The following CHD6 variants were observed in gnomAD, a reference collection of about 807,000 sequenced individuals.
The protein encoded by CHD6 is ATP-dependent chromatin remodeler CHD6.
A neutral mutation model predicts 276.9 loss-of-function variants in CHD6; 50 were observed. That is an observed-to-expected ratio of 0.18 (90% CI 0.14 to 0.23). The LOEUF is 0.23. Among genes scored for constraint, CHD6 ranks in the 10% least tolerant of loss-of-function variants. The pLI is 1.00. For synonymous variants in CHD6, 1,173 were observed against 1,229.3 expected (o/e 0.95, Z 0.96); for missense variants, 2,564 against 3,365.8 (o/e 0.76, Z 5.89).
At chr20:41,464,780 A>C (rs532864616) in intron 17 of CHD6, among the ~76,000 whole-genome samples, 15 of 152,304 alleles carry the variant, frequency 9.8e-5, no homozygotes, top group Non-Finnish European at 1.6e-4. Flanking sequence ...CAAGTAAAAG[A>C]AAGCAAGGAT....
intron 2 of CHD6, among the ~76,000 whole-genome samples, chr20:41,549,893 G>A (rs1379971330): frequency 6.6e-6 from 1 of 152,144 alleles, no homozygotes; most frequent in Non-Finnish European, 1.5e-5. Flanking sequence ...CCACCTCCCA[G>A]GTTCAAGTGA....
At chr20:41,595,784 T>G (rs2045711126) in intron 1 of CHD6, among the ~76,000 whole-genome samples, 1 of 151,918 alleles carries the variant, frequency 6.6e-6, no homozygotes, top group Admixed American at 6.6e-5. Flanking sequence ...AACCCACCCT[T>G]GAACCCTCAG....
rs190692679 is a variant in CHD6, at chr20:41,433,263, C to T, written c.4068+4011G>A. ...AAGACAGAAATCAGATTTAAGAAGA[C>T]GAGTGAATTCCAAATAGGGTAAACT... On this transcript the variant is annotated intron_variant, in intron 27 of 36. Transcript: ENST00000373233. Among the ~76,000 whole-genome samples the T allele has an allele frequency of 1.1e-3, 175 of 152,204 alleles. 1 individual carries two copies. Among genetic ancestry groups the T allele is most frequent in the African/African-American group, 4.1e-3 (170 of 41,538 alleles).
chr20:41,537,760 G>A (rs1265890782), intron 2 of CHD6, among the ~76,000 whole-genome samples: 1 of 152,190 alleles, frequency 6.6e-6, no homozygotes, highest in African/African-American at 2.4e-5. Context: ...CAGAGGAATT[G>A]AAACTTTCAT....
At chr20:41,603,487 G>GT (rs2045794203) in intron 1 of CHD6, among the ~76,000 whole-genome samples, 1 of 152,220 alleles carries the variant, frequency 6.6e-6, no homozygotes, top group East Asian at 1.9e-4. Flanking sequence ...CTGGCCTAAG[G>GT]TAAATTCCTT....
At chr20:41,468,994 G>A (rs563060175) in intron 17 of CHD6, among the ~76,000 whole-genome samples, 1 of 152,244 alleles carries the variant, frequency 6.6e-6, no homozygotes, top group South Asian at 2.1e-4. Context: ...CCTGTCTTCT[G>A]AAAACATAAA....
At chr20:41,434,463 C>T (rs1008729411) in intron 27 of CHD6, among the ~76,000 whole-genome samples, 2 of 152,138 alleles carry the variant, frequency 1.3e-5, no homozygotes, top group Non-Finnish European at 2.9e-5. Context: ...CTCTGCCTCC[C>T]GGGTTCAAGT....
Position 41,417,281 on chromosome 20 carries a change from C to A in CHD6, c.6196G>T (p.Asp2066Tyr), listed in dbSNP as rs749531364. The A allele has an allele frequency of 6.2e-7, 1 of 1,614,144 alleles. No homozygotes were observed. Among genetic ancestry groups the A allele is most frequent in the South Asian group, 1.1e-5 (1 of 91,082 alleles). The change falls in exon 32 of 37, where the codon GAT (aspartate) becomes TAT (tyrosine). Residue 2066 changes from aspartate (D) to tyrosine (Y), a missense_variant. Around this residue, in one of 7 missense-constraint regions of CHD6, gnomAD observed 1,024 missense variants for 1,047.9 expected, o/e 0.98. Transcript: ENST00000373233. ...GGAGCTCGAGCCTCCTGTAGCTCAT[C>A]CCCAATGTCTCCTGTGATGCCCGAT... The part of the protein sequence containing the change: ...STSGITGDIG[D>Y]ELQEARAPTI...
At chr20:41,460,407 T>G (rs541449690) in intron 17 of CHD6, among the ~76,000 whole-genome samples, 23 of 152,334 alleles carry the variant, frequency 1.5e-4, no homozygotes, top group African/African-American at 5.5e-4. Flanking sequence ...GAGACCTTCA[T>G]GGCAGCCCCT....
intron 3 of CHD6, among the ~76,000 whole-genome samples, chr20:41,526,037 G>A (rs746617670): frequency 5.9e-5 from 9 of 151,930 alleles, no homozygotes; most frequent in Non-Finnish European, 1.3e-4. Flanking sequence ...AAAATATACT[G>A]GATAAATGAG....
chr20:41,565,488 A>G (rs942907867), intron 1 of CHD6, among the ~76,000 whole-genome samples: 1 of 152,194 alleles, frequency 6.6e-6, no homozygotes, highest in Admixed American at 6.5e-5. Context: ...GAGTAGATGG[A>G]TAAGTTCTAT....
intron 1 of CHD6, among the ~76,000 whole-genome samples, chr20:41,580,564 A>G (rs1186782020): frequency 2.0e-5 from 3 of 148,154 alleles, no homozygotes; most frequent in Non-Finnish European, 4.4e-5. Flanking sequence ...GAAGGCTGAG[A>G]CAGGAGGATT....
chr20:41,479,967 G>A (rs1172652589), intron 16 of CHD6, among the ~76,000 whole-genome samples: 1 of 152,214 alleles, frequency 6.6e-6, no homozygotes, highest in East Asian at 1.9e-4. Context: ...CTGGAAGCTA[G>A]AAGACAGTGG....
chr20:41,501,488 T>C (rs573734324), intron 5 of CHD6, among the ~76,000 whole-genome samples: 1 of 152,318 alleles, frequency 6.6e-6, no homozygotes, highest in Non-Finnish European at 1.5e-5. Context: ...GTAAATGGAA[T>C]CATACAGTAT....
At chr20:41,576,012 T>C (rs1386079645) in intron 1 of CHD6, among the ~76,000 whole-genome samples, 3 of 152,226 alleles carry the variant, frequency 2.0e-5, no homozygotes, top group Non-Finnish European at 4.4e-5. Context: ...TACTGAGTTA[T>C]TTATTCTCTA....
At position 41,417,278 on chromosome 20, in the gene CHD6, C is replaced by T; in HGVS notation, c.6199G>A (p.Glu2067Lys). 1 of 1,614,168 alleles carries T rather than the reference C, an allele frequency of 6.2e-7. No individual in the cohort carries two copies. Among genetic ancestry groups the T allele is most frequent in the Non-Finnish European group, 8.5e-7 (1 of 1,179,998 alleles). The change falls in exon 32 of 37, where the codon GAG becomes AAG. Residue 2067 changes from glutamate (E) to lysine (K), a missense_variant. Physicochemically the swap from Glu to Lys is moderately conservative, Grantham distance 56. Around this residue, in one of 7 missense-constraint regions of CHD6, gnomAD observed 1,024 missense variants for 1,047.9 expected, o/e 0.98. Coordinates refer to ENST00000373233, the MANE Select transcript of CHD6 (RefSeq NM_032221.5). Reference sequence around the variant, plus strand: ...GTGGGAGCTCGAGCCTCCTGTAGCTCATCCCCAATGTCTCCTGTGATGCCC... The same window carrying T: ...GTGGGAGCTCGAGCCTCCTGTAGCTTATCCCCAATGTCTCCTGTGATGCCC... Reference protein sequence around the residue: ...TSGITGDIGDELQEARAPTIA... With the variant: ...TSGITGDIGDKLQEARAPTIA...
intron 1 of CHD6, among the ~76,000 whole-genome samples, chr20:41,588,808 CT>C (rs1205519232): frequency 1.3e-5 from 2 of 152,170 alleles, no homozygotes; most frequent in South Asian, 2.1e-4. Context: ...CTGATCTCCC[CT>C]TTCTCCCCTT....
chr20:41,521,871 C>T (rs2044407035), intron 3 of CHD6, among the ~76,000 whole-genome samples: 1 of 152,118 alleles, frequency 6.6e-6, no homozygotes, highest in African/African-American at 2.4e-5. Context: ...TTTCGTTGCC[C>T]AAAACTGAGA....
Position 41,521,547 on chromosome 20 carries a change from CATATA to C in CHD6, c.555-6600_555-6596del, listed in dbSNP as rs202144374. ...GTATATGTGCATGTGTATATATACA[CATATA>C]ATATGTGTGTAGATATATGTATATA... On this transcript the variant is annotated intron_variant, in intron 3 of 36. Transcript: ENST00000373233. Among the ~76,000 whole-genome samples, 799 of 152,248 alleles carry C rather than the reference CATATA, an allele frequency of 5.2e-3. 3 individuals carry two copies. Among genetic ancestry groups the C allele is most frequent in the East Asian group, 0.013 (66 of 5,180 alleles).
Sources: gnomAD v4.1 joint callset for allele counts (sites outside exome capture counted in the v4.1 genomes callset) on GRCh38, gnomAD v4.1.1 for gene constraint, gnomAD v4.1.1 regional missense constraint, MANE v1.5 for transcripts, NCBI Gene and HGNC (gene_info 2026-07-23, HGNC 2026-07-21) for gene names.